TRPC5: variants seen among roughly 807,000 people sequenced by gnomAD.
The protein encoded by TRPC5 is transient receptor potential cation channel subfamily C member 5.
Under a neutral mutation model 56.5 loss-of-function variants are expected in TRPC5, and 9 were observed. That is an observed-to-expected ratio of 0.16 (90% CI 0.10 to 0.28). The LOEUF is 0.28. Among genes scored for constraint, TRPC5 ranks in the 10% least tolerant of loss-of-function variants. The pLI, the probability that TRPC5 is intolerant of heterozygous loss-of-function variation, is 1.00. For synonymous variants in TRPC5, 282 were observed against 278.5 expected, an observed-to-expected ratio of 1.01 and a Z score of -0.13; for missense variants, 469 against 748.9, an observed-to-expected ratio of 0.63 and a Z score of 4.36.
chrX:111,804,997 A>C (rs1335972552), intron 7 of TRPC5, among the ~76,000 whole-genome samples: 17 of 111,931 alleles, frequency 1.5e-4, no homozygotes, highest in Admixed American at 6.6e-4. Context: ...TGTCATAAAT[A>C]GCTCTTATTA....
intron 2 of TRPC5, among the ~76,000 whole-genome samples, chrX:111,927,785 C>T (rs1260336436): frequency 9.1e-6 from 1 of 109,425 alleles, no homozygotes; most frequent in Non-Finnish European, 1.9e-5. Context: ...TGAGGCAAAC[C>T]TACAATGACT....
At chrX:112,055,442 A>T (rs1344374486) in intron 1 of TRPC5, among the ~76,000 whole-genome samples, 1 of 111,208 alleles carries the variant, frequency 9.0e-6, no homozygotes, top group Non-Finnish European at 1.9e-5. Flanking sequence ...TAATTCCAAG[A>T]ATTGAAATTG....
chrX:111,994,741 G>T (rs1928470861), intron 1 of TRPC5, among the ~76,000 whole-genome samples: 1 of 111,282 alleles, frequency 9.0e-6, no homozygotes, highest in African/African-American at 3.3e-5. Flanking sequence ...TGTAAATTTT[G>T]CACACTGATT....
intron 1 of TRPC5, among the ~76,000 whole-genome samples, chrX:112,030,337 A>G (rs770247805): frequency 1.8e-5 from 2 of 112,726 alleles, no homozygotes; most frequent in South Asian, 7.3e-4. Context: ...CCTCGAAGAT[A>G]TGTGACTTGC....
intron 1 of TRPC5, among the ~76,000 whole-genome samples, chrX:111,988,770 T>A (rs1161698672): frequency 9.0e-6 from 1 of 111,338 alleles, no homozygotes. Flanking sequence ...TCATGGTACA[T>A]ATTTTCTTTG....
chrX:111,808,595 G>T (rs889383686), intron 7 of TRPC5, among the ~76,000 whole-genome samples: 1 of 110,256 alleles, frequency 9.1e-6, no homozygotes, highest in East Asian at 2.9e-4. Flanking sequence ...AAGAGCCAAG[G>T]CCTGGGATCA....
intron 1 of TRPC5, among the ~76,000 whole-genome samples, chrX:112,037,834 C>T (rs1347813726): frequency 1.8e-5 from 2 of 111,845 alleles, no homozygotes; most frequent in Non-Finnish European, 3.8e-5. Flanking sequence ...CAAATTGCTG[C>T]ATAATCTAAC....
intron 7 of TRPC5, among the ~76,000 whole-genome samples, chrX:111,784,060 C>T (rs770157304): frequency 8.8e-4 from 98 of 111,619 alleles, no homozygotes; most frequent in African/African-American, 2.9e-3. Context: ...TCCCCTTTGC[C>T]GAACATCAGT....
intron 7 of TRPC5, among the ~76,000 whole-genome samples, chrX:111,820,337 T>A (rs1054658961): frequency 9.0e-5 from 10 of 111,724 alleles, no homozygotes; most frequent in African/African-American, 2.9e-4. Context: ...AGAGCTTTAG[T>A]CCTCAAAGTT....
chrX:111,811,209 G>T (rs187613058), intron 7 of TRPC5, among the ~76,000 whole-genome samples: 55 of 112,146 alleles, frequency 4.9e-4, no homozygotes, highest in African/African-American at 1.6e-3. Flanking sequence ...AATGTCTACC[G>T]TATTCCAGAA....
intron 1 of TRPC5, among the ~76,000 whole-genome samples, chrX:112,066,981 C>T (rs758702476): frequency 2.1e-3 from 237 of 111,997 alleles, no homozygotes; most frequent in African/African-American, 7.5e-3. Flanking sequence ...TTATACAGCC[C>T]GGCATCTTAC....
intron 2 of TRPC5, among the ~76,000 whole-genome samples, chrX:111,925,073 G>A (rs1425492037): frequency 8.9e-6 from 1 of 112,762 alleles, no homozygotes; most frequent in Non-Finnish European, 1.9e-5. Flanking sequence ...GTTTCTCCAA[G>A]CTCAGATATA....
chrX:111,889,816 CTCTTG>C (rs759438990), intron 3 of TRPC5, among the ~76,000 whole-genome samples: 2 of 112,016 alleles, frequency 1.8e-5, no homozygotes, highest in South Asian at 7.5e-4. Flanking sequence ...AAACCACATA[CTCTTG>C]TCTTATTTTT....
intron 1 of TRPC5, among the ~76,000 whole-genome samples, chrX:112,040,247 T>A (rs1466968689): frequency 8.9e-6 from 1 of 112,394 alleles, no homozygotes; most frequent in Non-Finnish European, 1.9e-5. Context: ...TGTTCGTACA[T>A]GACCTTGAGA....
intron 1 of TRPC5, among the ~76,000 whole-genome samples, chrX:112,023,234 GTTTTTTTTTTTGTTTTTTTTTTTTTTT>G (rs1471246258): frequency 1.3e-4 from 6 of 45,960 alleles, no homozygotes; most frequent in Non-Finnish European, 2.5e-4. Flanking sequence ...GCGCCCAGCA[GTTTTTTTTTTTGTTTTTTTTTTTTTTT>G]TTTTTTTTTT....
At chrX:111,904,834 C>T (rs1925532000) in intron 3 of TRPC5, among the ~76,000 whole-genome samples, 1 of 111,780 alleles carries the variant, frequency 8.9e-6, no homozygotes, top group Non-Finnish European at 1.9e-5. Context: ...ATGACAATAC[C>T]TGAAAGTCTA....
At chrX:111,957,199 G>C (rs1339679505) in intron 1 of TRPC5, among the ~76,000 whole-genome samples, 1 of 111,810 alleles carries the variant, frequency 8.9e-6, no homozygotes, top group Non-Finnish European at 1.9e-5. Flanking sequence ...GGTCAGATCA[G>C]CACAGATTAT....
intron 3 of TRPC5, among the ~76,000 whole-genome samples, chrX:111,888,709 A>AG (rs1924649274): frequency 9.6e-6 from 1 of 104,476 alleles, no homozygotes. Flanking sequence ...AAAAAAAAAA[A>AG]AAAAAAAAAA....
intron 1 of TRPC5, among the ~76,000 whole-genome samples, chrX:112,076,471 T>C (rs111381849): frequency 0.028 from 3,072 of 111,183 alleles, 104 homozygotes; most frequent in African/African-American, 0.095. Context: ...TAGTAATAGC[T>C]ATAGTATATA....
Sources: gnomAD v4.1 joint callset for allele counts (sites outside exome capture counted in the v4.1 genomes callset) on GRCh38, gnomAD v4.1.1 for gene constraint, MANE v1.5 for transcripts, NCBI Gene and HGNC (gene_info 2026-07-23, HGNC 2026-07-21) for gene names.